CREM: variants seen among roughly 807,000 people sequenced by gnomAD.
CREM encodes the protein cAMP-responsive element modulator.
A neutral mutation model predicts 37.3 loss-of-function variants in CREM; 13 were observed. That is an observed-to-expected ratio of 0.35 (90% CI 0.23 to 0.55). The LOEUF is 0.55. Among genes scored for constraint, CREM ranks in the 20% least tolerant of loss-of-function variants. The probability of loss-of-function intolerance (pLI) is 0.88; values close to 1 mark genes in which losing one functional copy is unlikely to be tolerated. For missense variants in CREM, 296 were observed against 362.3 expected (o/e 0.82, Z 1.49); for synonymous variants, 124 against 120.2 (o/e 1.03, Z -0.21).
chr10:35,187,128 AT>A (rs1313727579), intron 5 of CREM, among the ~76,000 whole-genome samples: 12 of 79,240 alleles, frequency 1.5e-4, no homozygotes, highest in African/African-American at 6.7e-4. Flanking sequence ...ATATAAATAT[AT>A]TAATATATTA....
intron 3 of CREM, among the ~76,000 whole-genome samples, chr10:35,152,754 C>T: frequency 6.6e-6 from 1 of 151,634 alleles, no homozygotes; most frequent in Non-Finnish European, 1.5e-5. Flanking sequence ...TTCCAGAAAT[C>T]AAAATGGTGA....
At position 35,188,264 on chromosome 10, in the gene CREM, G is replaced by T; in HGVS notation, c.474G>T (p.Leu158=). Residue 158 remains leucine, a synonymous_variant, in exon 6 of 8, where the codon CTG becomes CTT. Transcript: ENST00000685392. ...CAGGATCTGATGGTGTTCAGGGACTGCAGGCATTAACAATGACAAATTCAG... is the reference window on the plus strand; with the variant it reads ...CAGGATCTGATGGTGTTCAGGGACTTCAGGCATTAACAATGACAAATTCAG... ...SNPGSDGVQG[L]QALTMTNSGA... is the part of the protein sequence containing the mutation. 2.5e-6 allele frequency: 4 copies of T among 1,614,164 alleles called. No homozygotes were observed. The highest frequency in any genetic ancestry group is 3.4e-6 in the Non-Finnish European group (4 of 1,180,012).
At chr10:35,132,153 A>G (rs1004048838) in intron 1 of CREM, among the ~76,000 whole-genome samples, 1 of 148,924 alleles carries the variant, frequency 6.7e-6, no homozygotes, top group Non-Finnish European at 1.5e-5. Flanking sequence ...GTGAGCCGAG[A>G]TCGTGCTACT....
intron 5 of CREM, among the ~76,000 whole-genome samples, chr10:35,187,697 G>T (rs2094710373): frequency 6.6e-6 from 1 of 151,660 alleles, no homozygotes. Context: ...TAGAGACAGG[G>T]TTTTCCTGTG....
chr10:35,135,678 C>G (rs1386425394), intron 1 of CREM, among the ~76,000 whole-genome samples: 1 of 127,684 alleles, frequency 7.8e-6, no homozygotes, highest in Non-Finnish European at 1.6e-5. Flanking sequence ...TTGCTTGAAG[C>G]TAGGAATTTG....
intron 6 of CREM, chr10:35,201,439 C>G: frequency 1.3e-6 from 2 of 1,551,400 alleles, no homozygotes; most frequent in Non-Finnish European, 1.7e-6. Context: ...ATACTGTATC[C>G]CCATTTTACA....
chr10:35,179,219 A>G lies in CREM; in HGVS notation c.352A>G (p.Ser118Gly). The change falls in exon 5 of 8, where the codon AGT becomes GGT. Residue 118 changes from serine (S) to glycine (G), a missense_variant. Ser to Gly is a moderately conservative substitution (Grantham distance 56). Coordinates refer to ENST00000685392, the MANE Select transcript of CREM (RefSeq NM_183011.2). Reference sequence around the variant, plus strand: ...ATCAGAGGAAGAAGGAACACCACCTAGTATTGCTACCATGGCAGTACCAAC... The same window carrying G: ...ATCAGAGGAAGAAGGAACACCACCTGGTATTGCTACCATGGCAGTACCAAC... ...ERSEEEGTPPSIATMAVPTSI... is the reference protein window; with the variant it reads ...ERSEEEGTPPGIATMAVPTSI... The G allele has an allele frequency of 5.0e-6, 8 of 1,614,114 alleles. No homozygotes were observed. Among genetic ancestry groups the G allele is most frequent in the Non-Finnish European group, 4.2e-6 (5 of 1,179,950 alleles).
chr10:35,212,185 CA>C lies in CREM; in HGVS notation c.*794del. On this transcript the variant is annotated 3_prime_UTR_variant, in exon 8 of 8. Transcript: ENST00000685392. ...CCAGCAGTACAATAAAAGTAAACCA[CA>C]AAAAAATACCTCAGGAAAGAATAGA... 6.3e-6 allele frequency: 1 copy of C among 157,620 alleles called. No individual in the cohort carries two copies. Among genetic ancestry groups the C allele is most frequent in the Non-Finnish European group, 1.4e-5 (1 of 71,836 alleles). 9.8% of individuals were successfully genotyped at this position (157,620 alleles called of 1,614,324 possible). A position where few individuals can be genotyped will look rare whatever the true frequency, so the allele number is the denominator to read the frequency against.
chr10:35,211,236 G>T lies in CREM; in HGVS notation c.756-18G>T, dbSNP rs1162156492. 1 of 1,609,838 alleles carries T rather than the reference G, an allele frequency of 6.2e-7. No individual in the cohort carries two copies. Among genetic ancestry groups the T allele is most frequent in the Admixed American group, 1.7e-5 (1 of 59,730 alleles). ...TGGAAGGCTGTTCCTGTAGTCATTT[G>T]CCTTGTGTTGCTTCCAGGGAAGCTG... On this transcript the variant is annotated intron_variant, in intron 7 of 7. Transcript: ENST00000685392.
intron 7 of CREM, among the ~76,000 whole-genome samples, chr10:35,209,734 T>C (rs560334572): frequency 9.1e-4 from 138 of 152,352 alleles, no homozygotes; most frequent in African/African-American, 3.0e-3. Context: ...TATTCATAAA[T>C]GAATTTCAGT....
chr10:35,137,861 A>G lies in CREM; in HGVS notation c.26A>G (p.Tyr9Cys). ...ATGAGCAAATGTGCAAGGAAAAAAT[A>G]TATTAAGACAAATCCAAGGTAGGTA... MSKCARKK[Y>C]IKTNPRQMTM... The change falls in exon 2 of 8, where the codon TAT (tyrosine) becomes TGT (cysteine). Residue 9 changes from tyrosine to cysteine, a missense_variant. Tyr to Cys is a radical substitution (Grantham distance 194, BLOSUM62 -2). Coordinates refer to ENST00000685392, the MANE Select transcript of CREM (RefSeq NM_183011.2). 6.3e-7 allele frequency: 1 copy of G among 1,590,728 alleles called. No homozygotes were observed. Among genetic ancestry groups the G allele is most frequent in the Non-Finnish European group, 8.6e-7 (1 of 1,167,764 alleles).
chr10:35,135,078 G>A (rs900297846), intron 1 of CREM, among the ~76,000 whole-genome samples: 1 of 151,844 alleles, frequency 6.6e-6, no homozygotes, highest in Non-Finnish European at 1.5e-5. Flanking sequence ...TGAAGCTGTT[G>A]CACCACAGGG....
chr10:35,201,210 G>A (rs989657231), intron 6 of CREM, among the ~76,000 whole-genome samples: 5 of 152,038 alleles, frequency 3.3e-5, no homozygotes, highest in African/African-American at 1.2e-4. Flanking sequence ...TGGATTCCCT[G>A]GGTTTGTCAG....
chr10:35,167,892 T>A, intron 3 of CREM: 1 of 1,208,626 alleles, frequency 8.3e-7, no homozygotes, highest in South Asian at 1.3e-5. Context: ...TAACATCCAT[T>A]TTATGTTTTA....
At chr10:35,153,654 A>G (rs1185833238) in intron 3 of CREM, among the ~76,000 whole-genome samples, 6 of 152,300 alleles carry the variant, frequency 3.9e-5, no homozygotes, top group Admixed American at 1.3e-4. Context: ...ATAATTCTCC[A>G]TAGCTGCTGC....
chr10:35,193,404 T>A (rs2133917848), intron 6 of CREM, among the ~76,000 whole-genome samples: 1 of 152,282 alleles, frequency 6.6e-6, no homozygotes, highest in South Asian at 2.1e-4. Flanking sequence ...TTATTGAGCA[T>A]CTATGTGCCA....
At chr10:35,165,740 T>A (rs995739863) in intron 3 of CREM, among the ~76,000 whole-genome samples, 1 of 151,340 alleles carries the variant, frequency 6.6e-6, no homozygotes, top group Non-Finnish European at 1.5e-5. Context: ...GTGAAACATA[T>A]CTCATATTGG....
intron 6 of CREM, 42 bp from the exon 7 acceptor site, chr10:35,206,853 T>C: frequency 6.2e-7 from 1 of 1,603,344 alleles, no homozygotes; most frequent in Middle Eastern, 2.0e-4. Context: ...TGCCAAATTA[T>C]GAATTCTTTA....
At chr10:35,165,266 AAG>A in intron 3 of CREM, among the ~76,000 whole-genome samples, 1 of 152,010 alleles carries the variant, frequency 6.6e-6, no homozygotes, top group East Asian at 1.9e-4. Flanking sequence ...GAGAGGGAGC[AAG>A]AGAGAGGGGA....
Sources: allele counts gnomAD v4.1 joint callset (sites outside exome capture counted in the v4.1 genomes callset), GRCh38; gene constraint gnomAD v4.1.1; transcripts MANE v1.5; gene names NCBI Gene and HGNC (gene_info 2026-07-23, HGNC 2026-07-21).